Variants in FSIP1 observed in about 807,000 individuals in gnomAD.
FSIP1 encodes the protein fibrous sheath interacting protein 1.
FSIP1 carries 65 observed loss-of-function variants against 60.9 expected under a neutral mutation model. The observed-to-expected ratio is 1.07, with a 90% CI of 0.87 to 1.31. The LOEUF (loss-of-function observed/expected upper bound fraction) is 1.31. Among genes scored for constraint, FSIP1 ranks in the 40% most tolerant of loss-of-function variants. The pLI is 0.00. For synonymous variants in FSIP1, 209 were observed against 221.2 expected, an observed-to-expected ratio of 0.94 and a Z score of 0.49; for missense variants, 675 against 665.5, an observed-to-expected ratio of 1.01 and a Z score of -0.16.
intron 3 of FSIP1, among the ~76,000 whole-genome samples, chr15:39,769,659 T>C (rs1404241247): frequency 1.3e-5 from 2 of 152,212 alleles, no homozygotes; most frequent in African/African-American, 4.8e-5. Flanking sequence ...AAGATGCATA[T>C]TTAAGGGTCA....
In FSIP1 at chr15:39,600,688, A is replaced by G. The variant is rs1890606590; in HGVS notation, c.*192T>C. On this transcript the variant is annotated 3_prime_UTR_variant, in exon 12 of 12. Coordinates refer to ENST00000350221, the MANE Select transcript of FSIP1 (RefSeq NM_152597.5). ...ATGGTCCCAGAAATTTTAATGAGCA[A>G]AAACCACTGAACAATTACACCCCAA... The G allele has an allele frequency of 4.0e-6, 2 of 502,178 alleles. No individual in the cohort carries two copies. The highest frequency in any genetic ancestry group is 6.8e-5 in the South Asian group (2 of 29,450). The allele number at this position is 502,178 out of a possible 1,614,324, so 31.1% of individuals were successfully genotyped here.
chr15:39,735,967 C>T (rs1192142788), intron 8 of FSIP1, among the ~76,000 whole-genome samples: 1 of 152,180 alleles, frequency 6.6e-6, no homozygotes, highest in East Asian at 1.9e-4. Flanking sequence ...ACGCATGGAG[C>T]TGTCATCTCC....
chr15:39,654,091 C>T (rs548127236), intron 10 of FSIP1, among the ~76,000 whole-genome samples: 4 of 152,286 alleles, frequency 2.6e-5, no homozygotes, highest in East Asian at 1.9e-4. Context: ...TCATCTCCTA[C>T]GACAACAATG....
intron 11 of FSIP1, among the ~76,000 whole-genome samples, chr15:39,617,316 A>T (rs1415242767): frequency 6.6e-6 from 1 of 152,244 alleles, no homozygotes; most frequent in Non-Finnish European, 1.5e-5. Context: ...GGAGGTTTGC[A>T]TACAGAAACT....
rs386382788 is a variant in FSIP1, at chr15:39,687,137, C to CT, written c.1188+26306dup. Among the ~76,000 whole-genome samples, 151 of 115,374 alleles carry CT rather than the reference C, an allele frequency of 1.3e-3. 3 individuals carry two copies. Among genetic ancestry groups the CT allele is most frequent in the Middle Eastern group, 5.2e-3 (1 of 192 alleles). The allele number at this position is 115,374 out of a possible 152,430, so 75.7% of individuals were successfully genotyped here. A position where few individuals can be genotyped will look rare whatever the true frequency, so the allele number is the denominator to read the frequency against. On this transcript the variant is annotated intron_variant, in intron 10 of 11. Transcript: ENST00000350221. ...ACCTTTCTTTCTTTCTTTTCTTTTC[C>CT]TTTTTTTTTTTTTTTTTTTTTTTTT...
chr15:39,750,725 G>A (rs942811341), intron 5 of FSIP1, among the ~76,000 whole-genome samples: 4 of 151,696 alleles, frequency 2.6e-5, no homozygotes, highest in African/African-American at 4.8e-5. Flanking sequence ...ATATCACCCT[G>A]GGCAATTATT....
At chr15:39,679,081 G>C (rs1785554224) in intron 10 of FSIP1, among the ~76,000 whole-genome samples, 1 of 152,146 alleles carries the variant, frequency 6.6e-6, no homozygotes, top group South Asian at 2.1e-4. Flanking sequence ...AAGCTGTTTA[G>C]TGTCTTTGAA....
At chr15:39,770,752 A>G (rs1310799917) in intron 2 of FSIP1, 142 bp from the exon 3 acceptor site, 7 of 523,242 alleles carry the variant, frequency 1.3e-5, no homozygotes, top group Middle Eastern at 4.8e-4. Flanking sequence ...TATTCTAGAA[A>G]TATAACACTC....
intron 5 of FSIP1, 57 bp downstream of exon 5, chr15:39,763,764 C>A: frequency 1.1e-6 from 1 of 887,268 alleles, no homozygotes; most frequent in Non-Finnish European, 1.9e-6. Flanking sequence ...TTACTTTAAT[C>A]CAAATATTCC....
intron 8 of FSIP1, among the ~76,000 whole-genome samples, chr15:39,735,262 T>C (rs1319390118): frequency 6.6e-6 from 1 of 152,234 alleles, no homozygotes; most frequent in Non-Finnish European, 1.5e-5. Flanking sequence ...TTGGGTGTAC[T>C]TACACAAACC....
intron 1 of FSIP1, among the ~76,000 whole-genome samples, chr15:39,778,017 T>C (rs1251113037): frequency 2.0e-5 from 3 of 152,216 alleles, no homozygotes; most frequent in Admixed American, 1.3e-4. Context: ...CCAAAGCTTA[T>C]GTTTAAGAGA....
chr15:39,756,633 ACCT>A (rs1323504192), intron 5 of FSIP1, among the ~76,000 whole-genome samples: 1 of 152,040 alleles, frequency 6.6e-6, no homozygotes, highest in Non-Finnish European at 1.5e-5. Flanking sequence ...CACCCACCCA[ACCT>A]GAAGCTAACT....
intron 10 of FSIP1, among the ~76,000 whole-genome samples, chr15:39,660,935 C>T (rs866566951): frequency 2.1e-4 from 32 of 152,170 alleles, no homozygotes; most frequent in African/African-American, 4.6e-4. Flanking sequence ...TGGTGGCGCA[C>T]GCCTGTAATC....
intron 10 of FSIP1, among the ~76,000 whole-genome samples, chr15:39,700,691 C>T (rs919964155): frequency 1.3e-5 from 2 of 152,162 alleles, no homozygotes; most frequent in Admixed American, 6.6e-5. Context: ...AGTGTCTATA[C>T]AAGGCTTTCA....
At chr15:39,679,408 A>G (rs1390349291) in intron 10 of FSIP1, among the ~76,000 whole-genome samples, 1 of 152,154 alleles carries the variant, frequency 6.6e-6, no homozygotes, top group African/African-American at 2.4e-5. Flanking sequence ...CTCAGCTACT[A>G]TTCAGCCGAG....
chr15:39,774,852 C>T (rs916075670), intron 2 of FSIP1, among the ~76,000 whole-genome samples: 4 of 152,136 alleles, frequency 2.6e-5, no homozygotes, highest in African/African-American at 9.7e-5. Context: ...GTGGCAGTGG[C>T]GGAAGCAGCA....
intron 10 of FSIP1, among the ~76,000 whole-genome samples, chr15:39,671,719 G>A (rs1893728099): frequency 6.6e-6 from 1 of 151,938 alleles, no homozygotes; most frequent in African/African-American, 2.4e-5. Flanking sequence ...TTTTCCAAAG[G>A]TTTTTATAAA....
intron 10 of FSIP1, among the ~76,000 whole-genome samples, chr15:39,674,937 A>G (rs1416551151): frequency 6.6e-6 from 1 of 152,192 alleles, no homozygotes; most frequent in Non-Finnish European, 1.5e-5. Flanking sequence ...TCCCATCTGT[A>G]TAACCACCAA....
intron 11 of FSIP1, among the ~76,000 whole-genome samples, chr15:39,604,772 C>A (rs1890762786): frequency 6.6e-6 from 1 of 152,070 alleles, no homozygotes; most frequent in Non-Finnish European, 1.5e-5. Context: ...GAAGGCACAC[C>A]CTGTTTGAGA....
Sources: allele counts gnomAD v4.1 joint callset (sites outside exome capture counted in the v4.1 genomes callset), GRCh38; gene constraint gnomAD v4.1.1; transcripts MANE v1.5; gene names NCBI Gene and HGNC (gene_info 2026-07-23, HGNC 2026-07-21).